TXK: variants seen among roughly 807,000 people sequenced by gnomAD.
The protein encoded by TXK is tyrosine-protein kinase TXK.
A neutral mutation model predicts 81.0 loss-of-function variants in TXK; 60 were observed. That is an observed-to-expected ratio of 0.74 (90% CI 0.60 to 0.92). TXK has a LOEUF of 0.92. Among genes scored for constraint, TXK ranks in the 40% least tolerant of loss-of-function variants. The pLI, the probability that TXK is intolerant of heterozygous loss-of-function variation, is 0.00. For missense variants in TXK, 581 were observed against 638.3 expected, an observed-to-expected ratio of 0.91 and a Z score of 0.97; for synonymous variants, 203 against 210.7, an observed-to-expected ratio of 0.96 and a Z score of 0.32.
At chr4:48,080,217 A>C (rs1221711880) in intron 10 of TXK, 89 bp from the exon 11 acceptor site, 2 of 980,868 alleles carry the variant, frequency 2.0e-6, no homozygotes. Flanking sequence ...CCATCTATTT[A>C]TCACTCTCAT....
chr4:48,117,727 T>C (rs996956410), intron 1 of TXK, among the ~76,000 whole-genome samples: 1 of 152,224 alleles, frequency 6.6e-6, no homozygotes, highest in Non-Finnish European at 1.5e-5. Context: ...ATCCTGGCTA[T>C]GGAAAAACAA....
At chr4:48,110,301 T>C (rs1310178550) in intron 5 of TXK, among the ~76,000 whole-genome samples, 1 of 152,218 alleles carries the variant, frequency 6.6e-6, no homozygotes, top group African/African-American at 2.4e-5. Context: ...AGATGAGTGT[T>C]TGGGTTCAGG....
At chr4:48,101,855 T>C (rs1718206212) in intron 6 of TXK, among the ~76,000 whole-genome samples, 1 of 151,634 alleles carries the variant, frequency 6.6e-6, no homozygotes, top group South Asian at 2.1e-4. Context: ...ACATTAACCT[T>C]TTTAAATTCT....
At chr4:48,068,105 C>T (rs917631001) in intron 14 of TXK, among the ~76,000 whole-genome samples, 1 of 152,260 alleles carries the variant, frequency 6.6e-6, no homozygotes, top group South Asian at 2.1e-4. Flanking sequence ...AATTTAAATT[C>T]CTTAAGATTA....
intron 10 of TXK, among the ~76,000 whole-genome samples, chr4:48,081,812 T>C (rs1441619689): frequency 1.3e-5 from 2 of 152,158 alleles, no homozygotes; most frequent in African/African-American, 4.8e-5. Flanking sequence ...GAATTCTTGA[T>C]TTTTCCCCCT....
At chr4:48,076,944 T>C (rs1277710466) in intron 11 of TXK, among the ~76,000 whole-genome samples, 1 of 152,208 alleles carries the variant, frequency 6.6e-6, no homozygotes, top group Non-Finnish European at 1.5e-5. Context: ...TCAGGATTAA[T>C]TCAATCTGAA....
At chr4:48,084,059 A>G (rs1182718903) in intron 10 of TXK, among the ~76,000 whole-genome samples, 1 of 151,914 alleles carries the variant, frequency 6.6e-6, no homozygotes, top group Non-Finnish European at 1.5e-5. Context: ...AGAATGGAAG[A>G]TTTTCTGCCT....
At position 48,112,294 on chromosome 4, in the gene TXK, G is replaced by GT; in HGVS notation, c.380+12dup. On this transcript the variant is annotated intron_variant, in intron 4 of 14. Transcript: ENST00000264316. Reference sequence around the variant, plus strand: ...AAGAATTGGATACTGACTAAGTCATGTAAGTGTCTTACCCCAAACGGTCTC... The same window carrying GT: ...AAGAATTGGATACTGACTAAGTCATGTTAAGTGTCTTACCCCAAACGGTCTC... 6.2e-7 allele frequency: 1 copy of GT among 1,612,072 alleles called. No individual in the cohort carries two copies. Among genetic ancestry groups the GT allele is most frequent in the Non-Finnish European group, 8.5e-7 (1 of 1,178,104 alleles).
intron 9 of TXK, among the ~76,000 whole-genome samples, chr4:48,088,371 A>C (rs1717621518): frequency 1.3e-5 from 2 of 152,220 alleles, no homozygotes; most frequent in Admixed American, 1.3e-4. Flanking sequence ...CACACACAAA[A>C]ATGTTCTTAA....
At chr4:48,099,047 A>G (rs940281590) in intron 6 of TXK, among the ~76,000 whole-genome samples, 3 of 152,224 alleles carry the variant, frequency 2.0e-5, no homozygotes, top group African/African-American at 7.2e-5. Context: ...AGTGAGAGGC[A>G]AAAATTAAAA....
intron 11 of TXK, among the ~76,000 whole-genome samples, chr4:48,078,049 G>T (rs959236424): frequency 2.2e-4 from 34 of 152,090 alleles, no homozygotes; most frequent in African/African-American, 8.2e-4. Flanking sequence ...ATTGGTCTGG[G>T]GTACGGCCTG....
chr4:48,083,322 G>A (rs1259150554), intron 10 of TXK, among the ~76,000 whole-genome samples: 2 of 152,220 alleles, frequency 1.3e-5, no homozygotes, highest in Non-Finnish European at 2.9e-5. Flanking sequence ...GCAAGTGGGG[G>A]CCAGAAAACT....
chr4:48,092,963 T>G (rs1246259693), intron 8 of TXK, among the ~76,000 whole-genome samples: 2 of 152,238 alleles, frequency 1.3e-5, no homozygotes, highest in African/African-American at 2.4e-5. Flanking sequence ...GAATGGATGC[T>G]CACCGTGACT....
chr4:48,074,371 G>C (rs1716982090), intron 12 of TXK, among the ~76,000 whole-genome samples: 1 of 151,612 alleles, frequency 6.6e-6, no homozygotes, highest in Non-Finnish European at 1.5e-5. Context: ...TAACAACCAA[G>C]ATTATAAAAA....
chr4:48,071,377 C>T (rs1326981137), intron 14 of TXK, 140 bp downstream of exon 14: 1 of 816,468 alleles, frequency 1.2e-6, no homozygotes, highest in African/African-American at 1.7e-5. Context: ...TGAGATAGTA[C>T]TTCAGACTCT....
At chr4:48,113,032 T>C (rs1457037606) in intron 3 of TXK, among the ~76,000 whole-genome samples, 175 bp downstream of exon 3, 1 of 152,044 alleles carries the variant, frequency 6.6e-6, no homozygotes, top group Non-Finnish European at 1.5e-5. Context: ...CTATTTTAAC[T>C]GGTCTTTTCT....
Position 48,113,213 on chromosome 4 carries a change from CTTAT to C in TXK, c.164_167del (p.Asn55ArgfsTer46). ...CTGTCAAAATGATACTTACTTGCTT[CTTAT>C]TTGACAATTGGCTGAGCCACGGCCT... On this transcript the variant is annotated frameshift_variant, in exon 3 of 15. Coordinates refer to ENST00000264316, the MANE Select transcript of TXK (RefSeq NM_003328.3). LOFTEE classifies it high-confidence loss of function. The C allele has an allele frequency of 6.2e-7, 1 of 1,612,042 alleles. No homozygotes were observed. The highest frequency in any genetic ancestry group is 8.5e-7 in the Non-Finnish European group (1 of 1,178,526).
intron 13 of TXK, among the ~76,000 whole-genome samples, chr4:48,073,338 C>T (rs939724003): frequency 1.3e-5 from 2 of 152,112 alleles, no homozygotes; most frequent in Non-Finnish European, 1.5e-5. Flanking sequence ...TATTTATTAC[C>T]ATTTTTTGAA....
chr4:48,107,033 G>T (rs1718479839), intron 5 of TXK, among the ~76,000 whole-genome samples: 1 of 151,942 alleles, frequency 6.6e-6, no homozygotes, highest in Non-Finnish European at 1.5e-5. Flanking sequence ...AATTTGCCCT[G>T]TCAGGCATGT....
Sources: allele counts gnomAD v4.1 joint callset (sites outside exome capture counted in the v4.1 genomes callset), GRCh38; gene constraint gnomAD v4.1.1; transcripts MANE v1.5; gene names NCBI Gene and HGNC (gene_info 2026-07-23, HGNC 2026-07-21).